Variants in CACHD1 observed in about 807,000 individuals in gnomAD.
CACHD1 encodes the protein VWFA and cache domain-containing protein 1.
In CACHD1, 71 loss-of-function variants were observed where a neutral mutation model predicts 138.7. That is an observed-to-expected ratio of 0.51 (90% CI 0.42 to 0.62). The LOEUF is 0.62. CACHD1 is among the 20% of genes least tolerant of loss of function. The pLI is 0.00. For synonymous variants in CACHD1, 578 were observed against 591.5 expected, an observed-to-expected ratio of 0.98 and a Z score of 0.33; for missense variants, 1,389 against 1,625.3, an observed-to-expected ratio of 0.85 and a Z score of 2.50.
At chr1:64,668,959 A>G (rs186347118) in intron 16 of CACHD1, among the ~76,000 whole-genome samples, 1 of 152,210 alleles carries the variant, frequency 6.6e-6, no homozygotes, top group African/African-American at 2.4e-5. Context: ...ACATGGTTCT[A>G]CTCCCAAAAA....
In CACHD1 at chr1:64,615,149, G is replaced by A. The variant is rs1358203085; in HGVS notation, c.517+12237G>A. On this transcript the variant is annotated intron_variant, in intron 4 of 26. Coordinates refer to ENST00000651257, the MANE Select transcript of CACHD1 (RefSeq NM_020925.4). ...TTCATCCTACAGCACGCTGCCAGCC[G>A]CCTCTGACATGTAAAACATTGCTTA... Among the ~76,000 whole-genome samples the A allele has an allele frequency of 4.6e-5, 7 of 152,118 alleles. No individual in the cohort carries two copies. In the South Asian group the frequency reaches 8.3e-4, roughly 18 times the overall value.
At chr1:64,554,827 G>A (rs766315395) in intron 2 of CACHD1, among the ~76,000 whole-genome samples, 2 of 152,140 alleles carry the variant, frequency 1.3e-5, no homozygotes, top group Non-Finnish European at 2.9e-5. Flanking sequence ...TATGACTACC[G>A]AGTAACTGAA....
intron 9 of CACHD1, among the ~76,000 whole-genome samples, chr1:64,651,384 G>A (rs1253369992): frequency 6.6e-6 from 1 of 151,930 alleles, no homozygotes; most frequent in Admixed American, 6.6e-5. Flanking sequence ...TTTTTTAAAG[G>A]ATGCATTAAT....
At chr1:64,577,657 A>G (rs1002725289) in intron 2 of CACHD1, among the ~76,000 whole-genome samples, 3 of 152,190 alleles carry the variant, frequency 2.0e-5, no homozygotes, top group Admixed American at 2.0e-4. Context: ...AAGTTGGTAT[A>G]TGCATGTGAG....
intron 26 of CACHD1, among the ~76,000 whole-genome samples, chr1:64,690,871 A>G (rs549057114): frequency 6.6e-6 from 1 of 152,318 alleles, no homozygotes; most frequent in South Asian, 2.1e-4. Flanking sequence ...GTTGATCTGA[A>G]TCCTGTTCAG....
rs200214890 is a variant in CACHD1 at position 64,648,073 on chromosome 1, A to G, written c.1390+39A>G. ...AACGTCATTTTAAAGGAAGGGGAAA[A>G]GAACTGGGCAGATAGAAATGGCACC... On this transcript the variant is annotated intron_variant, in intron 9 of 26. Transcript: ENST00000651257. 80 of 1,473,694 alleles carry G rather than the reference A, an allele frequency of 5.4e-5. 1 individual carries two copies. Among genetic ancestry groups the G allele is most frequent in the Non-Finnish European group, 7.1e-5 (76 of 1,069,796 alleles). 91.3% of individuals were successfully genotyped at this position (1,473,694 alleles called of 1,614,324 possible).
At chr1:64,538,048 T>C (rs1646647304) in intron 1 of CACHD1, among the ~76,000 whole-genome samples, 1 of 152,236 alleles carries the variant, frequency 6.6e-6, no homozygotes, top group African/African-American at 2.4e-5. Flanking sequence ...TTAATAATTA[T>C]TGTTGAGAGT....
intron 1 of CACHD1, among the ~76,000 whole-genome samples, chr1:64,477,931 GC>G (rs1004979793): frequency 3.3e-5 from 5 of 151,594 alleles, no homozygotes; most frequent in Admixed American, 1.3e-4. Context: ...ACCGCGCCCG[GC>G]CCCCCCAGAT....
intron 1 of CACHD1, among the ~76,000 whole-genome samples, chr1:64,496,286 T>G (rs547498485): frequency 1.1e-4 from 17 of 152,298 alleles, no homozygotes; most frequent in East Asian, 1.9e-4. Flanking sequence ...TAGCTTATTA[T>G]TAGTAGTAGT....
intron 1 of CACHD1, among the ~76,000 whole-genome samples, chr1:64,509,336 C>T (rs1412124673): frequency 1.3e-5 from 2 of 152,138 alleles, no homozygotes; most frequent in Non-Finnish European, 2.9e-5. Context: ...GTTCACTGGG[C>T]CTCAGCTCTG....
intron 4 of CACHD1, among the ~76,000 whole-genome samples, chr1:64,627,654 T>A (rs1460877568): frequency 6.6e-6 from 1 of 152,128 alleles, no homozygotes; most frequent in Non-Finnish European, 1.5e-5. Flanking sequence ...ATAATGTAAT[T>A]CCTGATGCTA....
At chr1:64,562,635 A>G (rs1306888073) in intron 2 of CACHD1, among the ~76,000 whole-genome samples, 2 of 148,920 alleles carry the variant, frequency 1.3e-5, no homozygotes, top group African/African-American at 2.5e-5. Flanking sequence ...GTTGACCAAG[A>G]TGGTGTCGAT....
chr1:64,691,398 A>G lies in CACHD1; in HGVS notation c.3662A>G (p.Asp1221Gly). 6.2e-7 allele frequency: 1 copy of G among 1,614,144 alleles called. No homozygotes were observed. Among genetic ancestry groups the G allele is most frequent in the South Asian group, 1.1e-5 (1 of 91,080 alleles). Residue 1221 changes from aspartate to glycine, a missense_variant, in exon 27 of 27, where the codon GAT (aspartate) becomes GGT (glycine). Asp to Gly is a moderately conservative substitution (Grantham distance 94). Around this residue, in one of 5 missense-constraint regions of CACHD1, gnomAD observed 78 missense variants for 76.9 expected, o/e 1.01. Coordinates refer to ENST00000651257, the MANE Select transcript of CACHD1 (RefSeq NM_020925.4). ...CNNDPLSAGV[D>G]VGNHDEDLDL... Reference sequence around the variant, plus strand: ...AATGACCCCTTGTCAGCCGGGGTCGATGTGGGAAACCATGATGAGGACTTA... The same window carrying G: ...AATGACCCCTTGTCAGCCGGGGTCGGTGTGGGAAACCATGATGAGGACTTA...
At chr1:64,491,483 G>A (rs1307538426) in intron 1 of CACHD1, among the ~76,000 whole-genome samples, 2 of 152,078 alleles carry the variant, frequency 1.3e-5, no homozygotes. Context: ...GAAGAGCAAG[G>A]GGGGAAGTGC....
At chr1:64,614,352 C>T (rs757387344) in intron 4 of CACHD1, among the ~76,000 whole-genome samples, 31 of 151,670 alleles carry the variant, frequency 2.0e-4, no homozygotes, top group Non-Finnish European at 4.3e-4. Context: ...CATTGTTCTT[C>T]TTATTTCATC....
At chr1:64,583,729 G>GA (rs1647029958) in intron 3 of CACHD1, among the ~76,000 whole-genome samples, 1 of 152,148 alleles carries the variant, frequency 6.6e-6, no homozygotes, top group African/African-American at 2.4e-5. Flanking sequence ...AATCATGGCG[G>GA]AAAGTGAAGG....
At chr1:64,677,036 G>C in intron 22 of CACHD1, 25 bp downstream of exon 22, 1 of 1,541,730 alleles carries the variant, frequency 6.5e-7, no homozygotes, top group Non-Finnish European at 8.9e-7. Flanking sequence ...GTAAAGAATT[G>C]AGGTTTTCCA....
intron 1 of CACHD1, among the ~76,000 whole-genome samples, chr1:64,531,985 C>A (rs949074683): frequency 6.6e-6 from 1 of 152,136 alleles, no homozygotes; most frequent in Non-Finnish European, 1.5e-5. Flanking sequence ...GTTCTAGAAA[C>A]TCACAGGATA....
At chr1:64,514,800 T>G (rs1646447188) in intron 1 of CACHD1, among the ~76,000 whole-genome samples, 2 of 152,240 alleles carry the variant, frequency 1.3e-5, no homozygotes, top group African/African-American at 4.8e-5. Context: ...TATTAATTCT[T>G]ATAATTTCTA....
Sources: allele counts gnomAD v4.1 joint callset (sites outside exome capture counted in the v4.1 genomes callset), GRCh38; gene constraint gnomAD v4.1.1; regional missense constraint gnomAD v4.1.1; transcripts MANE v1.5; gene names NCBI Gene and HGNC (gene_info 2026-07-23, HGNC 2026-07-21).